The following SCARA5 variants were observed in gnomAD, a reference collection of about 807,000 sequenced individuals.
SCARA5 encodes scavenger receptor class A member 5.
In SCARA5, 45 loss-of-function variants were observed where a neutral mutation model predicts 46.3. That is an observed-to-expected ratio of 0.97 (90% CI 0.76 to 1.24). SCARA5 has a LOEUF of 1.24. SCARA5 is among the 50% of genes most tolerant of loss of function. SCARA5 has a pLI of 0.00. For synonymous variants in SCARA5, 333 were observed against 306.5 expected (o/e 1.09, Z -0.90); for missense variants, 680 against 689.0 (o/e 0.99, Z 0.15).
intron 2 of SCARA5, among the ~76,000 whole-genome samples, chr8:27,979,445 T>C (rs141441007): frequency 2.8e-4 from 43 of 152,266 alleles, no homozygotes; most frequent in African/African-American, 1.0e-3. Flanking sequence ...GGGTTTCCCA[T>C]TTCTTAGAGG....
intron 7 of SCARA5, among the ~76,000 whole-genome samples, chr8:27,896,621 G>A (rs1482481687): frequency 3.3e-5 from 5 of 152,130 alleles, no homozygotes; most frequent in Admixed American, 6.5e-5. Flanking sequence ...TACAACCCCT[G>A]AGGATCATGG....
chr8:27,872,101 G>A (rs142323693), intron 8 of SCARA5, 31 bp from the exon 9 acceptor site: 65 of 1,612,532 alleles, frequency 4.0e-5, no homozygotes, highest in African/African-American at 3.7e-4. Context: ...AGCTATAAGC[G>A]GATACACAGG....
At chr8:27,984,541 C>T (rs866853719) in intron 2 of SCARA5, among the ~76,000 whole-genome samples, 2 of 152,122 alleles carry the variant, frequency 1.3e-5, no homozygotes, top group Non-Finnish European at 2.9e-5. Context: ...TCCATTCATT[C>T]ATCCATCCAT....
intron 3 of SCARA5, among the ~76,000 whole-genome samples, chr8:27,933,673 T>C (rs2129850645): frequency 6.6e-6 from 1 of 152,302 alleles, no homozygotes; most frequent in South Asian, 2.1e-4. Flanking sequence ...TCATAAAATG[T>C]CCATGTTTTT....
intron 4 of SCARA5, among the ~76,000 whole-genome samples, chr8:27,916,971 G>A (rs1420349599): frequency 1.3e-5 from 2 of 152,096 alleles, no homozygotes; most frequent in African/African-American, 4.8e-5. Flanking sequence ...TTACAAAGAG[G>A]ACTCCAGGGA....
chr8:27,892,580 C>A (rs1284966191), intron 7 of SCARA5, among the ~76,000 whole-genome samples: 1 of 149,570 alleles, frequency 6.7e-6, no homozygotes, highest in Non-Finnish European at 1.5e-5. Context: ...CACCATAGGC[C>A]AGAAGTGACC....
At chr8:27,989,129 C>CT (rs34929623) in intron 1 of SCARA5, among the ~76,000 whole-genome samples, 5,784 of 68,346 alleles carry the variant, frequency 0.085, 615 homozygotes, top group East Asian at 0.12. Context: ...TTCTTTCTTT[C>CT]TTTTTTTTTT....
intron 2 of SCARA5, among the ~76,000 whole-genome samples, chr8:27,970,186 G>A (rs1808427790): frequency 6.6e-6 from 1 of 152,086 alleles, no homozygotes; most frequent in Non-Finnish European, 1.5e-5. Context: ...AGGAACTGAG[G>A]GCTTTGGCTG....
chr8:27,991,294 G>A (rs1808782935), intron 1 of SCARA5, among the ~76,000 whole-genome samples: 1 of 152,172 alleles, frequency 6.6e-6, no homozygotes, highest in Non-Finnish European at 1.5e-5. Context: ...GTCACTCAGG[G>A]GAGCTGGTGG....
intron 8 of SCARA5, among the ~76,000 whole-genome samples, chr8:27,878,098 T>C (rs975491145): frequency 3.3e-5 from 5 of 152,196 alleles, no homozygotes; most frequent in African/African-American, 1.2e-4. Context: ...CACTCCATGA[T>C]GTGGGGAACC....
rs564014144 is a variant in SCARA5 at position 27,962,637 on chromosome 8, G to C, written c.241+3777C>G. On this transcript the variant is annotated intron_variant, in intron 3 of 8. Transcript: ENST00000354914. ...GGGACAGACCTGCTTGAAACAAGGTGATCCAAAAAAGGGATACTCAGTTCA... is the reference window on the plus strand; with the variant it reads ...GGGACAGACCTGCTTGAAACAAGGTCATCCAAAAAAGGGATACTCAGTTCA... 2.6e-5 allele frequency among the ~76,000 whole-genome samples: 4 copies of C among 152,226 alleles called. No individual in the cohort carries two copies. In the South Asian group the frequency reaches 8.3e-4, roughly 32 times the overall value.
At chr8:27,940,001 T>C (rs1318150191) in intron 3 of SCARA5, among the ~76,000 whole-genome samples, 3 of 152,228 alleles carry the variant, frequency 2.0e-5, no homozygotes, top group Admixed American at 1.3e-4. Context: ...CACAGTCCCA[T>C]GAGGCTGTAA....
chr8:27,971,698 G>A (rs1808450174), intron 2 of SCARA5, among the ~76,000 whole-genome samples: 1 of 152,162 alleles, frequency 6.6e-6, no homozygotes, highest in African/African-American at 2.4e-5. Context: ...GAGGTCTAGA[G>A]AGGGCAAGGC....
intron 7 of SCARA5, among the ~76,000 whole-genome samples, chr8:27,884,657 C>T (rs530707805): frequency 2.6e-5 from 4 of 152,298 alleles, no homozygotes; most frequent in South Asian, 2.1e-4. Flanking sequence ...GGTAGACGGT[C>T]GGAGACTCCC....
intron 7 of SCARA5, among the ~76,000 whole-genome samples, chr8:27,896,754 G>T (rs533461735): frequency 6.6e-6 from 1 of 152,114 alleles, no homozygotes; most frequent in South Asian, 2.1e-4. Context: ...CTATGGCTTC[G>T]TCTGTCTCTT....
chr8:27,900,449 G>A (rs1366339187), intron 7 of SCARA5, among the ~76,000 whole-genome samples: 2 of 152,146 alleles, frequency 1.3e-5, no homozygotes, highest in Admixed American at 6.5e-5. Flanking sequence ...AGCTCCCCTC[G>A]TCCCCAGACT....
chr8:27,979,083 C>T (rs1236314305), intron 2 of SCARA5, among the ~76,000 whole-genome samples: 1 of 152,174 alleles, frequency 6.6e-6, no homozygotes, highest in African/African-American at 2.4e-5. Context: ...AAAACCACGC[C>T]CCTATGCCAA....
intron 3 of SCARA5, among the ~76,000 whole-genome samples, chr8:27,962,362 A>G (rs1808306761): frequency 6.6e-6 from 1 of 152,218 alleles, no homozygotes. Flanking sequence ...AACTCCTTCT[A>G]TGACTGAGAC....
chr8:27,883,741 T>C (rs997820922), intron 7 of SCARA5, among the ~76,000 whole-genome samples: 3 of 152,130 alleles, frequency 2.0e-5, no homozygotes, highest in Admixed American at 6.5e-5. Flanking sequence ...ACTGGTGTCA[T>C]GTGGGGTAGG....
Sources: allele counts gnomAD v4.1 joint callset (sites outside exome capture counted in the v4.1 genomes callset), GRCh38; gene constraint gnomAD v4.1.1; transcripts MANE v1.5; gene names NCBI Gene and HGNC (gene_info 2026-07-23, HGNC 2026-07-21).